SYNDIG1: variants seen among roughly 807,000 people sequenced by gnomAD.
SYNDIG1 encodes synapse differentiation inducing 1, also known as synapse differentiation-inducing gene protein 1.
SYNDIG1 carries 9 observed loss-of-function variants against 19.4 expected under a neutral mutation model. That is an observed-to-expected ratio of 0.46 (90% CI 0.28 to 0.81). SYNDIG1 has a LOEUF of 0.81. Ranked by LOEUF, SYNDIG1 falls within the 30% of genes least tolerant of loss-of-function variation. The pLI is 0.12. For synonymous variants in SYNDIG1, 141 were observed against 145.9 expected (o/e 0.97, Z 0.24); for missense variants, 311 against 343.3 (o/e 0.91, Z 0.74).
At chr20:24,636,669 G>C (rs2059319418) in intron 3 of SYNDIG1, among the ~76,000 whole-genome samples, 2 of 152,146 alleles carry the variant, frequency 1.3e-5, no homozygotes, top group Non-Finnish European at 2.9e-5. Context: ...GAACCTGCCT[G>C]GCCACCATGT....
chr20:24,571,554 T>A (rs1454672429), intron 2 of SYNDIG1, among the ~76,000 whole-genome samples: 1 of 152,196 alleles, frequency 6.6e-6, no homozygotes, highest in Non-Finnish European at 1.5e-5. Flanking sequence ...TACATTTATA[T>A]TATATGAAGT....
intron 3 of SYNDIG1, among the ~76,000 whole-genome samples, chr20:24,595,076 T>G (rs2058575162): frequency 6.6e-6 from 1 of 152,210 alleles, no homozygotes; most frequent in Admixed American, 6.5e-5. Context: ...AGAGTGGACA[T>G]CCTTGTCTTA....
chr20:24,489,544 C>T (rs187227864), intron 1 of SYNDIG1, among the ~76,000 whole-genome samples: 80 of 152,254 alleles, frequency 5.3e-4, no homozygotes, highest in Non-Finnish European at 9.3e-4. Flanking sequence ...CATGCACACA[C>T]ATGCTCACAG....
At chr20:24,596,967 G>GA (rs928470411) in intron 3 of SYNDIG1, 1 of 105,006 alleles carries the variant, frequency 9.5e-6, no homozygotes, top group African/African-American at 2.9e-5. Context: ...AGATGGTAAA[G>GA]GGGGGCACAC....
intron 1 of SYNDIG1, among the ~76,000 whole-genome samples, chr20:24,529,135 G>A (rs771343008): frequency 6.6e-6 from 1 of 152,174 alleles, no homozygotes; most frequent in Non-Finnish European, 1.5e-5. Context: ...AAGACGTCTT[G>A]GCTGAGTCTG....
chr20:24,631,860 C>G (rs1338284473), intron 3 of SYNDIG1, among the ~76,000 whole-genome samples: 1 of 152,136 alleles, frequency 6.6e-6, no homozygotes, highest in Admixed American at 6.5e-5. Context: ...GTGGCTAGTT[C>G]TATACTCTAC....
rs1003203647 is a variant in SYNDIG1 at position 24,604,658 on chromosome 20, T to C, written c.618+19665T>C. ...AAAAATCCGCCCTTTGTTTAGCAAA[T>C]AATCAAGAAATAAGCATAAAAAGAG... On this transcript the variant is annotated intron_variant, in intron 3 of 3. Coordinates refer to ENST00000376862, the MANE Select transcript of SYNDIG1 (RefSeq NM_024893.3). Among the ~76,000 whole-genome samples, 14 of 152,286 alleles carry C rather than the reference T, an allele frequency of 9.2e-5. No individual in the cohort carries two copies. In the East Asian group the frequency reaches 2.3e-3, roughly 25 times the overall value.
intron 2 of SYNDIG1, among the ~76,000 whole-genome samples, chr20:24,578,944 CCCTTGCCTCGAGAGTGAGAGTGG>C (rs2058276990): frequency 6.6e-6 from 1 of 152,220 alleles, no homozygotes; most frequent in Admixed American, 6.5e-5. Flanking sequence ...TTAGTGCTTC[CCCTTGCCTCGAGAGTGAGAGTGG>C]CCGGCACGCA....
chr20:24,530,946 C>A (rs544767410), intron 1 of SYNDIG1, among the ~76,000 whole-genome samples: 1 of 151,988 alleles, frequency 6.6e-6, no homozygotes, highest in Admixed American at 6.6e-5. Flanking sequence ...GTAGCTGGGA[C>A]TACAGGCGCA....
At chr20:24,616,743 C>T (rs2058941066) in intron 3 of SYNDIG1, among the ~76,000 whole-genome samples, 1 of 152,248 alleles carries the variant, frequency 6.6e-6, no homozygotes, top group Admixed American at 6.5e-5. Context: ...ACTGGCTGAG[C>T]TTGGAGGAGA....
intron 2 of SYNDIG1, among the ~76,000 whole-genome samples, chr20:24,578,299 C>A (rs546431048): frequency 1.3e-5 from 2 of 151,850 alleles, no homozygotes; most frequent in African/African-American, 2.4e-5. Context: ...AAAAATTAGC[C>A]GGGCATGATG....
At chr20:24,595,874 C>T (rs1340429819) in intron 3 of SYNDIG1, among the ~76,000 whole-genome samples, 2 of 152,082 alleles carry the variant, frequency 1.3e-5, no homozygotes, top group African/African-American at 4.8e-5. Context: ...ACCTAGTTGT[C>T]TATCAAGCTT....
intron 1 of SYNDIG1, among the ~76,000 whole-genome samples, chr20:24,500,705 C>T (rs1600449685): frequency 6.6e-6 from 1 of 152,130 alleles, no homozygotes; most frequent in East Asian, 1.9e-4. Flanking sequence ...TCTGGCTCCA[C>T]AACATGCTTA....
intron 1 of SYNDIG1, among the ~76,000 whole-genome samples, chr20:24,504,846 C>T (rs530038875): frequency 1.3e-5 from 2 of 152,278 alleles, no homozygotes; most frequent in African/African-American, 4.8e-5. Flanking sequence ...GCAGAGCTGT[C>T]ACAGAATCAG....
intron 2 of SYNDIG1, among the ~76,000 whole-genome samples, chr20:24,552,862 C>A (rs2057733797): frequency 6.6e-6 from 1 of 152,186 alleles, no homozygotes; most frequent in African/African-American, 2.4e-5. Context: ...ATTTCTAGTT[C>A]TAGATCCCTG....
chr20:24,548,452 C>T (rs2057635876), intron 2 of SYNDIG1, among the ~76,000 whole-genome samples: 1 of 152,172 alleles, frequency 6.6e-6, no homozygotes, highest in South Asian at 2.1e-4. Context: ...AATTCTATAA[C>T]TGCAATAGAG....
chr20:24,532,073 C>T (rs1012344372), intron 1 of SYNDIG1, among the ~76,000 whole-genome samples: 2 of 152,192 alleles, frequency 1.3e-5, no homozygotes, highest in South Asian at 2.1e-4. Flanking sequence ...CATTCCCTCA[C>T]CCCAGAGGTA....
At chr20:24,575,555 G>A (rs571036328) in intron 2 of SYNDIG1, among the ~76,000 whole-genome samples, 1 of 152,232 alleles carries the variant, frequency 6.6e-6, no homozygotes, top group African/African-American at 2.4e-5. Flanking sequence ...CGCTCACAAT[G>A]GGAACTTCAT....
intron 3 of SYNDIG1, among the ~76,000 whole-genome samples, chr20:24,591,332 T>A (rs1156675195): frequency 3.3e-5 from 5 of 152,112 alleles, no homozygotes; most frequent in Non-Finnish European, 7.4e-5. Context: ...AGTTCAAGGC[T>A]GCTGTGATCT....
Sources: gnomAD v4.1 joint callset for allele counts (sites outside exome capture counted in the v4.1 genomes callset) on GRCh38, gnomAD v4.1.1 for gene constraint, MANE v1.5 for transcripts, NCBI Gene and HGNC (gene_info 2026-07-23, HGNC 2026-07-21) for gene names.